The following DHX33 variants were observed in gnomAD, a reference collection of about 807,000 sequenced individuals.
DHX33 encodes DEAH-box helicase 33.
In DHX33, 42 loss-of-function variants were observed where a neutral mutation model predicts 72.5. The observed-to-expected ratio is 0.58, with a 90% CI of 0.45 to 0.75. The LOEUF is 0.75. DHX33 is among the 30% of genes least tolerant of loss of function. DHX33 has a pLI of 0.00. For synonymous variants in DHX33, 358 were observed against 366.1 expected, an observed-to-expected ratio of 0.98 and a Z score of 0.25; for missense variants, 842 against 917.5, an observed-to-expected ratio of 0.92 and a Z score of 1.06.
Position 5,455,271 on chromosome 17 carries a change from C to A in DHX33, c.1036G>T (p.Gly346Cys). Residue 346 changes from glycine to cysteine, a missense_variant and splice_region_variant, in exon 6 of 12, where the codon GGC becomes TGC. Physicochemically the swap from Gly to Cys is radical, Grantham distance 159. Transcript: ENST00000225296. The part of the protein sequence containing the change: ...QLRVFQGAPK[G>C]YRKVIISTNI... ...GTTGAAATGATCACTTTGCGATAGC[C>A]CTAAAAGGAGGAAGAAAACCAAAAA... 1 of 1,613,518 alleles carries A rather than the reference C, an allele frequency of 6.2e-7. No homozygotes were observed. Among genetic ancestry groups the A allele is most frequent in the South Asian group, 1.1e-5 (1 of 91,062 alleles).
At chr17:5,453,165 G>A (rs867310272) in intron 8 of DHX33, among the ~76,000 whole-genome samples, 3 of 152,184 alleles carry the variant, frequency 2.0e-5, no homozygotes, top group East Asian at 3.9e-4. Context: ...CCAAGGACTC[G>A]CATGATGACC....
At chr17:5,459,363 T>C (rs1177941576) in intron 4 of DHX33, among the ~76,000 whole-genome samples, 1 of 148,316 alleles carries the variant, frequency 6.7e-6, no homozygotes, top group Non-Finnish European at 1.5e-5. Flanking sequence ...TGAGAAAATA[T>C]TTTTAAATAT....
Position 5,444,860 on chromosome 17 carries a change from G to T in DHX33, c.1816-347C>A, listed in dbSNP as rs529839457. On this transcript the variant is annotated intron_variant, in intron 11 of 11. Coordinates refer to ENST00000225296, the MANE Select transcript of DHX33 (RefSeq NM_020162.4). The surrounding 1 kb of genome is among the most constrained non-coding windows in gnomAD (Gnocchi z 4.9). The stretch of plus-strand genomic sequence containing the variant: ...CGGAAAGGAAAGGCCCTTCCCTCTC[G>T]CTTTGACCATCTCACCATCTCCTCA... Among the ~76,000 whole-genome samples the T allele has an allele frequency of 2.6e-5, 4 of 152,182 alleles. No individual in the cohort carries two copies. Among genetic ancestry groups the T allele is most frequent in the African/African-American group, 9.6e-5 (4 of 41,528 alleles).
intron 3 of DHX33, 55 bp downstream of exon 3, chr17:5,462,264 C>T (rs1188943750): frequency 2.0e-5 from 30 of 1,532,100 alleles, no homozygotes; most frequent in Admixed American, 1.9e-4. Context: ...CTGTGTGTTA[C>T]GCATACTTTC....
In DHX33 at chr17:5,444,445, G is replaced by A. The variant is rs767344642; in HGVS notation, c.1884C>T (p.Leu628=). ...ESVRRCLAHS[L]FMSTAELQPD... ...GCTGAAGCTCGGCGGTGCTCATGAA[G>A]AGGCTGTGAGCCAGGCAGCGGCGGA... The change falls in exon 12 of 12, where the codon CTC becomes CTT. Residue 628 remains leucine (L), a synonymous_variant. Coordinates refer to ENST00000225296, the MANE Select transcript of DHX33 (RefSeq NM_020162.4). This position sits in a 1 kb window ranked among gnomAD's most constrained non-coding sequence, Gnocchi z 4.9. 1.7e-5 allele frequency: 27 copies of A among 1,614,102 alleles called. No individual in the cohort carries two copies. The South Asian group carries it at 2.7e-4, about 16-fold the overall frequency.
At position 5,448,804 on chromosome 17, in the gene DHX33, G is replaced by C. The variant is rs201862692; in HGVS notation, c.1815+5C>G. ...CACCCACAGAACACTAGGACCAGAC[G>C]ATACCTTTAAGCAGATGTCCCTCAG... On this transcript the variant is annotated splice_donor_5th_base_variant and intron_variant, in intron 11 of 11. Transcript: ENST00000225296. 3.1e-6 allele frequency: 5 copies of C among 1,597,750 alleles called. No individual in the cohort carries two copies. Among genetic ancestry groups the C allele is most frequent in the Middle Eastern group, 1.7e-4 (1 of 6,034 alleles).
chr17:5,449,625 C>T (rs1008065309), intron 10 of DHX33, among the ~76,000 whole-genome samples: 15 of 152,038 alleles, frequency 9.9e-5, no homozygotes, highest in Non-Finnish European at 2.1e-4. Flanking sequence ...TTAGTAGAGA[C>T]GGGGTTTTGC....
chr17:5,453,776 G>C lies in DHX33; in HGVS notation c.1307+45C>G, dbSNP rs373144922. The C allele has an allele frequency of 2.5e-6, 4 of 1,612,960 alleles. No individual in the cohort carries two copies. In the African/African-American group the frequency reaches 5.3e-5, roughly 22 times the overall value. ...ACTGCAGCTCTGGGCAAGCAGGAGA[G>C]ACATGGTGACAAACAGCAGCAGTGC... On this transcript the variant is annotated intron_variant, in intron 7 of 11. Transcript: ENST00000225296.
chr17:5,445,135 A>G (rs1004924393), intron 11 of DHX33, among the ~76,000 whole-genome samples: 1 of 151,046 alleles, frequency 6.6e-6, no homozygotes, highest in Non-Finnish European at 1.5e-5. Context: ...CTGGAGTGCA[A>G]TGGCGCAATC....
chr17:5,452,822 G>C (rs914507967), intron 8 of DHX33, among the ~76,000 whole-genome samples: 3 of 152,186 alleles, frequency 2.0e-5, no homozygotes, highest in Non-Finnish European at 4.4e-5. Context: ...TCCAGTGGTT[G>C]TTCTAGGGGA....
intron 1 of DHX33, among the ~76,000 whole-genome samples, chr17:5,464,946 G>A (rs1003242598): frequency 5.3e-5 from 8 of 152,158 alleles, no homozygotes; most frequent in Non-Finnish European, 1.0e-4. Flanking sequence ...TCTGGGCTCC[G>A]TAGTGCCTTG....
chr17:5,455,009 G>T, intron 6 of DHX33, 151 bp downstream of exon 6: 1 of 678,042 alleles, frequency 1.5e-6, no homozygotes, highest in Non-Finnish European at 2.6e-6. Context: ...CTCCTTCGCG[G>T]ACCTGGAGTG....
At chr17:5,467,538 C>T (rs1286506146) in intron 1 of DHX33, among the ~76,000 whole-genome samples, 1 of 152,188 alleles carries the variant, frequency 6.6e-6, no homozygotes, top group African/African-American at 2.4e-5. Context: ...CGACCATAAA[C>T]CACAAATAAC....
At chr17:5,457,301 C>T (rs1158048824) in intron 4 of DHX33, among the ~76,000 whole-genome samples, 1 of 151,624 alleles carries the variant, frequency 6.6e-6, no homozygotes, top group Admixed American at 6.6e-5. Flanking sequence ...GAGCAAGACT[C>T]CATCTCAAAA....
chr17:5,444,588 G>A lies in DHX33; in HGVS notation c.1816-75C>T, dbSNP rs374937207. ...GGTCAGCACTACACAGCGTGTTGGGGCAACTGGACCCACTGGGGCAAAAGC... is the reference window on the plus strand; with the variant it reads ...GGTCAGCACTACACAGCGTGTTGGGACAACTGGACCCACTGGGGCAAAAGC... On this transcript the variant is annotated intron_variant, in intron 11 of 11. Transcript: ENST00000225296. This position sits in a 1 kb window ranked among gnomAD's most constrained non-coding sequence, Gnocchi z 4.9. 7.5e-6 allele frequency: 11 copies of A among 1,471,182 alleles called. No individual in the cohort carries two copies. Among genetic ancestry groups the A allele is most frequent in the South Asian group, 1.3e-5 (1 of 77,208 alleles). The allele number at this position is 1,471,182 out of a possible 1,614,324, so 91.1% of individuals were successfully genotyped here.
chr17:5,452,335 TC>T lies in DHX33; in HGVS notation c.1396+1244del, dbSNP rs767378927. ...TGGGCGGACCACCTAGGTCAGGAGT[TC>T]AAGACCAGCCTGGTCAACATAGTGA... is the stretch of plus-strand genomic sequence containing the variant. On this transcript the variant is annotated intron_variant, in intron 8 of 11. Transcript: ENST00000225296. Among the ~76,000 whole-genome samples, 4 of 152,052 alleles carry T rather than the reference TC, an allele frequency of 2.6e-5. No homozygotes were observed. In the East Asian group the frequency reaches 7.7e-4, roughly 29 times the overall value.
At chr17:5,452,201 T>C (rs1443327410) in intron 8 of DHX33, among the ~76,000 whole-genome samples, 1 of 152,118 alleles carries the variant, frequency 6.6e-6, no homozygotes, top group African/African-American at 2.4e-5. Flanking sequence ...AGAAAAAAAA[T>C]CAAGCACAGA....
Position 5,443,979 on chromosome 17 carries a change from G to C in DHX33, c.*226C>G, listed in dbSNP as rs1459647926. 3 of 494,306 alleles carry C rather than the reference G, an allele frequency of 6.1e-6. No individual in the cohort carries two copies. Among genetic ancestry groups the C allele is most frequent in the African/African-American group, 5.8e-5 (3 of 52,100 alleles). 30.6% of individuals were successfully genotyped at this position (494,306 alleles called of 1,614,324 possible). On this transcript the variant is annotated 3_prime_UTR_variant, in exon 12 of 12. Transcript: ENST00000225296. The stretch of plus-strand genomic sequence containing the variant: ...TGTTAAATTAAGTCAAAGTCACCCA[G>C]TAAGAACCAAAAGCATAATTTTGAG...
chr17:5,463,360 C>T (rs1014317197), intron 2 of DHX33, among the ~76,000 whole-genome samples, 169 bp downstream of exon 2: 2 of 152,154 alleles, frequency 1.3e-5, no homozygotes, highest in Non-Finnish European at 1.5e-5. Context: ...GCACATGGGA[C>T]CAATAGAGCC....
Sources: allele counts gnomAD v4.1 joint callset (sites outside exome capture counted in the v4.1 genomes callset), GRCh38; gene constraint gnomAD v4.1.1; non-coding constraint Gnocchi (gnomAD v3.1); transcripts MANE v1.5; gene names NCBI Gene and HGNC (gene_info 2026-07-23, HGNC 2026-07-21).